Variants in NDST3 observed in about 807,000 individuals in gnomAD.
The protein encoded by NDST3 is bifunctional heparan sulfate N-deacetylase/N-sulfotransferase 3.
A neutral mutation model predicts 96.1 loss-of-function variants in NDST3; 58 were observed. The observed-to-expected ratio is 0.60, with a 90% CI of 0.49 to 0.75. NDST3 has a LOEUF of 0.75. Among genes scored for constraint, NDST3 ranks in the 30% least tolerant of loss-of-function variants. The pLI is 0.00. For missense variants in NDST3, 788 were observed against 1,034.2 expected, an observed-to-expected ratio of 0.76 and a Z score of 3.27; for synonymous variants, 333 against 359.7, an observed-to-expected ratio of 0.93 and a Z score of 0.84.
chr4:118,247,630 G>A (rs968280071), intron 12 of NDST3, among the ~76,000 whole-genome samples: 3 of 152,126 alleles, frequency 2.0e-5, no homozygotes, highest in African/African-American at 7.2e-5. Flanking sequence ...GCAATGGGCT[G>A]CAAAAATATG....
chr4:118,078,215 T>TC (rs1342677978), intron 2 of NDST3, among the ~76,000 whole-genome samples: 1 of 152,102 alleles, frequency 6.6e-6, no homozygotes, highest in African/African-American at 2.4e-5. Flanking sequence ...TCTCTATGTC[T>TC]CCCTGCTGCC....
intron 3 of NDST3, among the ~76,000 whole-genome samples, chr4:118,106,039 G>A (rs1334165816): frequency 6.6e-6 from 1 of 152,138 alleles, no homozygotes; most frequent in African/African-American, 2.4e-5. Context: ...GGGTTTTAAT[G>A]TACATTTCTC....
At chr4:118,050,245 G>A (rs1725001952) in intron 1 of NDST3, among the ~76,000 whole-genome samples, 1 of 151,974 alleles carries the variant, frequency 6.6e-6, no homozygotes, top group Non-Finnish European at 1.5e-5. Context: ...AATAATAAGA[G>A]ACATCTATGA....
intron 6 of NDST3, among the ~76,000 whole-genome samples, chr4:118,159,070 A>G (rs1462304739): frequency 6.6e-6 from 1 of 152,206 alleles, no homozygotes; most frequent in African/African-American, 2.4e-5. Context: ...AGCTTCTCCC[A>G]CAGTCCCATA....
intron 6 of NDST3, among the ~76,000 whole-genome samples, chr4:118,187,947 C>T (rs1001582198): frequency 6.6e-6 from 1 of 152,138 alleles, no homozygotes. Context: ...AAGACCCAGT[C>T]TTCATATTCT....
intron 1 of NDST3, among the ~76,000 whole-genome samples, chr4:118,036,155 C>G (rs1203885960): frequency 1.3e-5 from 2 of 152,054 alleles, no homozygotes; most frequent in Admixed American, 6.5e-5. Context: ...AATTGTCTAC[C>G]TGTCATTTCA....
At chr4:118,096,699 ATAGATAGATAG>A (rs1729341696) in intron 2 of NDST3, among the ~76,000 whole-genome samples, 1 of 151,552 alleles carries the variant, frequency 6.6e-6, no homozygotes, top group African/African-American at 2.4e-5. Flanking sequence ...AGATAGATAG[ATAGATAGATAG>A]ACAGTTAGGC....
In NDST3 at chr4:118,036,246, AT is replaced by A. The variant is rs560992215; in HGVS notation, c.-156+1656del. On this transcript the variant is annotated intron_variant, in intron 1 of 13. Coordinates refer to ENST00000296499, the MANE Select transcript of NDST3 (RefSeq NM_004784.3). ...GATTATATGACTTCCTTGAAACCTG[AT>A]TGAGTTTCAGCTGCTTTTTGGTGAT... Among the ~76,000 whole-genome samples the A allele has an allele frequency of 2.2e-3, 332 of 152,136 alleles. 2 individuals are homozygous for A. The highest frequency in any genetic ancestry group is 0.01 in the Middle Eastern group (3 of 294).
chr4:118,083,947 T>C (rs1398054534), intron 2 of NDST3, among the ~76,000 whole-genome samples: 2 of 152,202 alleles, frequency 1.3e-5, no homozygotes, highest in African/African-American at 4.8e-5. Context: ...GAAAATCCTC[T>C]CTACTCTGTA....
At chr4:118,233,451 GA>G (rs919701179) in intron 9 of NDST3, among the ~76,000 whole-genome samples, 33 of 151,762 alleles carry the variant, frequency 2.2e-4, no homozygotes, top group African/African-American at 7.7e-4. Context: ...TACTCGTAAG[GA>G]AAAAAAATTT....
At chr4:118,101,341 T>A (rs1729746148) in intron 2 of NDST3, among the ~76,000 whole-genome samples, 1 of 149,030 alleles carries the variant, frequency 6.7e-6, no homozygotes, top group Non-Finnish European at 1.5e-5. Context: ...GCCTGCAAAC[T>A]TTCTTAGCTT....
intron 6 of NDST3, among the ~76,000 whole-genome samples, chr4:118,214,993 G>A (rs1739099781): frequency 6.6e-6 from 1 of 152,242 alleles, no homozygotes; most frequent in African/African-American, 2.4e-5. Context: ...TGAAGCAGAT[G>A]AGGTCCCTGC....
At chr4:118,130,228 T>C (rs1732498942) in intron 4 of NDST3, among the ~76,000 whole-genome samples, 1 of 152,046 alleles carries the variant, frequency 6.6e-6, no homozygotes, top group East Asian at 1.9e-4. Context: ...TGCCACTTTG[T>C]TATTTGTTTT....
chr4:118,192,614 G>T (rs1374709175), intron 6 of NDST3, among the ~76,000 whole-genome samples: 3 of 151,966 alleles, frequency 2.0e-5, no homozygotes, highest in Non-Finnish European at 4.4e-5. Context: ...TTTGTTTCTG[G>T]GTTCTCTATT....
At chr4:118,062,457 T>A (rs565034067) in intron 2 of NDST3, among the ~76,000 whole-genome samples, 8 of 152,042 alleles carry the variant, frequency 5.3e-5, no homozygotes, top group Non-Finnish European at 1.2e-4. Context: ...TCTCCCTCCC[T>A]CTCCCTCACT....
chr4:118,194,327 C>T (rs1197137591), intron 6 of NDST3: 11 of 733,644 alleles, frequency 1.5e-5, no homozygotes, highest in East Asian at 2.5e-5. Context: ...CTTCTTCTTC[C>T]GTCAGATCTT....
At chr4:118,203,009 G>T (rs1366796348) in intron 6 of NDST3, among the ~76,000 whole-genome samples, 4 of 152,108 alleles carry the variant, frequency 2.6e-5, no homozygotes, top group Admixed American at 6.5e-5. Flanking sequence ...TCTGTTGAGG[G>T]TTTTTAACAT....
chr4:118,086,511 GTA>G (rs1389137303), intron 2 of NDST3, among the ~76,000 whole-genome samples: 1 of 151,988 alleles, frequency 6.6e-6, no homozygotes, highest in Non-Finnish European at 1.5e-5. Context: ...AGGCATTTAT[GTA>G]TATGAGTCAC....
intron 4 of NDST3, among the ~76,000 whole-genome samples, chr4:118,134,689 T>C (rs1288025087): frequency 6.6e-6 from 1 of 152,170 alleles, no homozygotes; most frequent in African/African-American, 2.4e-5. Flanking sequence ...AAAGAGAATA[T>C]CTGGTAGGGC....
Sources: gnomAD v4.1 joint callset for allele counts (sites outside exome capture counted in the v4.1 genomes callset) on GRCh38, gnomAD v4.1.1 for gene constraint, MANE v1.5 for transcripts, NCBI Gene and HGNC (gene_info 2026-07-23, HGNC 2026-07-21) for gene names.